The following ABCA13 variants were observed in gnomAD, a reference collection of about 807,000 sequenced individuals.
The protein encoded by ABCA13 is ATP-binding cassette sub-family A member 13.
A neutral mutation model predicts 478.7 loss-of-function variants in ABCA13; 476 were observed. That is an observed-to-expected ratio of 0.99 (90% CI 0.92 to 1.07). The LOEUF (loss-of-function observed/expected upper bound fraction) is 1.07, where lower values mean the gene tolerates loss of function less well. Among genes scored for constraint, ABCA13 ranks in the 50% least tolerant of loss-of-function variants. The pLI is 0.00. For missense variants in ABCA13, 6,060 were observed against 5,910.6 expected (o/e 1.03, Z -0.83); for synonymous variants, 2,252 against 2,158.9 (o/e 1.04, Z -1.20).
chr7:48,412,686 G>C, intron 41 of ABCA13, 103 bp downstream of exon 41: 1 of 713,344 alleles, frequency 1.4e-6, no homozygotes, highest in Non-Finnish European at 2.0e-6. Context: ...GGGTAAGGGG[G>C]AGGAGTGTGC....
rs764975303 is a variant in ABCA13, at chr7:48,580,363, T to C, written c.14494T>C (p.Cys4832Arg). The C allele has an allele frequency of 7.4e-6, 12 of 1,612,130 alleles. No homozygotes were observed. Among genetic ancestry groups the C allele is most frequent in the Admixed American group, 6.7e-5 (4 of 59,808 alleles). ...TAGCTTACGCGGGATTCCAAGGCAG[T>C]GCATCCCTGAGGTAAATCTCCCTGG... ...YCSLRGIPRQ[C>R]IPEVAGDLIR... Residue 4832 changes from cysteine (C) to arginine (R), a missense_variant, in exon 56 of 62, where the codon TGC becomes CGC. This residue lies in a region of ABCA13 where 1,627 missense variants were observed against 1,571.0 expected (regional missense o/e 1.04). Transcript: ENST00000435803.
intron 59 of ABCA13, among the ~76,000 whole-genome samples, chr7:48,633,984 C>T (rs1391584872): frequency 7.6e-6 from 1 of 130,864 alleles, no homozygotes; most frequent in South Asian, 2.4e-4. Flanking sequence ...AGATAGATGA[C>T]AGAGAGATGT....
chr7:48,226,070 G>A (rs1031686194), intron 5 of ABCA13, among the ~76,000 whole-genome samples: 1 of 152,150 alleles, frequency 6.6e-6, no homozygotes, highest in Non-Finnish European at 1.5e-5. Flanking sequence ...ATTAGAGTTG[G>A]GGAACTGTAG....
intron 45 of ABCA13, among the ~76,000 whole-genome samples, chr7:48,479,317 A>G (rs953235259): frequency 2.0e-5 from 3 of 152,012 alleles, no homozygotes; most frequent in African/African-American, 7.3e-5. Flanking sequence ...GGCTCACTGC[A>G]ACCTCCGCCT....
chr7:48,315,428 C>T (rs542177362), intron 26 of ABCA13, among the ~76,000 whole-genome samples: 1 of 151,900 alleles, frequency 6.6e-6, no homozygotes, highest in Non-Finnish European at 1.5e-5. Flanking sequence ...CATTAAATTT[C>T]AGTAAGAACA....
chr7:48,442,421 A>G (rs1237862035), intron 42 of ABCA13, among the ~76,000 whole-genome samples: 2 of 152,180 alleles, frequency 1.3e-5, no homozygotes, highest in Admixed American at 1.3e-4. Context: ...CACAATGCCT[A>G]TATTTATCCT....
intron 47 of ABCA13, among the ~76,000 whole-genome samples, chr7:48,483,392 T>C (rs1375812341): frequency 1.3e-5 from 2 of 152,218 alleles, no homozygotes; most frequent in Non-Finnish European, 2.9e-5. Context: ...GGACTTCACC[T>C]AGTAAATATA....
Position 48,307,847 on chromosome 7 carries a change from A to AT in ABCA13, c.9322-2092dup, listed in dbSNP as rs201700312. Among the ~76,000 whole-genome samples the AT allele has an allele frequency of 5.8e-4, 88 of 151,666 alleles. 1 individual carries two copies. In the East Asian group the frequency reaches 0.013, roughly 23 times the overall value. ...AGGTGTACGCCACCATACCCAACTA[A>AT]TTTTTTTTGTATTTTAAGTAGAGAC... On this transcript the variant is annotated intron_variant, in intron 23 of 61. Coordinates refer to ENST00000435803, the MANE Select transcript of ABCA13 (RefSeq NM_152701.5).
intron 48 of ABCA13, among the ~76,000 whole-genome samples, chr7:48,502,362 T>A (rs1210973005): frequency 1.3e-5 from 2 of 152,210 alleles, no homozygotes; most frequent in Non-Finnish European, 2.9e-5. Context: ...ATGAGAACAC[T>A]GTTTTTAATC....
chr7:48,584,443 T>C (rs1172961140), intron 56 of ABCA13, among the ~76,000 whole-genome samples: 4 of 152,230 alleles, frequency 2.6e-5, no homozygotes, highest in African/African-American at 9.6e-5. Flanking sequence ...TCTCCATGGC[T>C]GCATACATTT....
rs899482121 is a variant in ABCA13 at position 48,239,061 on chromosome 7, CT to C, written c.898-169del. On this transcript the variant is annotated intron_variant, in intron 8 of 61. Coordinates refer to ENST00000435803, the MANE Select transcript of ABCA13 (RefSeq NM_152701.5). ...TTGTGGATGAAACTGAAAAATATAA[CT>C]TTTTTTTTTTAACTACCAAGTCTTC... Among the ~76,000 whole-genome samples, 46 of 147,962 alleles carry C rather than the reference CT, an allele frequency of 3.1e-4. 1 individual carries two copies. Among genetic ancestry groups the C allele is most frequent in the Middle Eastern group, 3.5e-3 (1 of 286 alleles).
At chr7:48,219,830 T>G (rs1787085399) in intron 4 of ABCA13, among the ~76,000 whole-genome samples, 1 of 151,180 alleles carries the variant, frequency 6.6e-6, no homozygotes, top group African/African-American at 2.4e-5. Flanking sequence ...GCTGTTGTCT[T>G]CCTTTCTTGC....
At chr7:48,257,998 A>T (rs765471260) in intron 15 of ABCA13, among the ~76,000 whole-genome samples, 23 of 152,084 alleles carry the variant, frequency 1.5e-4, no homozygotes, top group Non-Finnish European at 3.1e-4. Flanking sequence ...GTCGAGGCTC[A>T]CTGCACCCTC....
chr7:48,273,052 C>T lies in ABCA13; in HGVS notation c.3386C>T (p.Ser1129Leu), dbSNP rs200430365. The change falls in exon 17 of 62, where the codon TCA becomes TTA. Residue 1129 changes from serine to leucine, a missense_variant. By Grantham distance (145) the Ser-to-Leu change is moderately radical (BLOSUM62 -2). This residue lies in a region of ABCA13 where 4,423 missense variants were observed against 4,309.1 expected (regional missense o/e 1.03). Transcript: ENST00000435803. ...SFVFPLAQIFSNLSANVSVFN... is the reference protein window; with the variant it reads ...SFVFPLAQIFLNLSANVSVFN... ...GTTTTTCCATTGGCACAAATTTTTT[C>T]AAACCTCTCAGCAAATGTCAGTGTG... is the stretch of plus-strand genomic sequence containing the variant. The T allele has an allele frequency of 3.2e-5, 51 of 1,613,576 alleles. No homozygotes were observed. The African/African-American group carries it at 6.1e-4, about 19-fold the overall frequency.
In ABCA13 at chr7:48,276,097, CATT is replaced by C; in HGVS notation, c.6435_6437del (p.Leu2145del). On this transcript the variant is annotated inframe_deletion, in exon 17 of 62. Coordinates refer to ENST00000435803, the MANE Select transcript of ABCA13 (RefSeq NM_152701.5). ...GAGGATTACTCCAGAATGATAGAAA[CATT>C]ATTCATTCCTGTGACCAATGAGAGT... The C allele has an allele frequency of 6.3e-7, 1 of 1,599,916 alleles. No homozygotes were observed. The highest frequency in any genetic ancestry group is 8.5e-7 in the Non-Finnish European group (1 of 1,172,376).
chr7:48,625,313 A>C (rs996103725), intron 59 of ABCA13, among the ~76,000 whole-genome samples: 2 of 152,224 alleles, frequency 1.3e-5, no homozygotes, highest in Non-Finnish European at 2.9e-5. Flanking sequence ...AAAGTGAAAT[A>C]GATAATTCAG....
rs1395774896 is a variant in ABCA13, at chr7:48,272,149, T to C, written c.2483T>C (p.Phe828Ser). The change falls in exon 17 of 62, where the codon TTT (phenylalanine) becomes TCT (serine). Residue 828 changes from phenylalanine (F) to serine (S), a missense_variant. By Grantham distance (155) the Phe-to-Ser change is radical (BLOSUM62 -2). Around this residue, in one of 3 missense-constraint regions of ABCA13, gnomAD observed 4,423 missense variants for 4,309.1 expected, o/e 1.03. Coordinates refer to ENST00000435803, the MANE Select transcript of ABCA13 (RefSeq NM_152701.5). ...NLLRFIELILFEINPKLLELW... is the reference protein window; with the variant it reads ...NLLRFIELILSEINPKLLELW... ...TTGAGATTCATAGAATTAATACTTT[T>C]TGAAATTAATCCCAAATTACTAGAA... 6 of 1,613,102 alleles carry C rather than the reference T, an allele frequency of 3.7e-6. No individual in the cohort carries two copies. The highest frequency in any genetic ancestry group is 4.2e-6 in the Non-Finnish European group (5 of 1,179,534).
chr7:48,311,081 C>G (rs141139245), intron 24 of ABCA13, among the ~76,000 whole-genome samples: 1 of 152,306 alleles, frequency 6.6e-6, no homozygotes, highest in East Asian at 1.9e-4. Flanking sequence ...TATTTCACAA[C>G]CTCTGGGTTC....
intron 55 of ABCA13, among the ~76,000 whole-genome samples, chr7:48,532,387 G>A (rs373404019): frequency 1.3e-5 from 2 of 152,172 alleles, no homozygotes; most frequent in South Asian, 2.1e-4. Context: ...ATATGCTTTG[G>A]ATTCAGTTAG....
Sources: gnomAD v4.1 joint callset for allele counts (sites outside exome capture counted in the v4.1 genomes callset) on GRCh38, gnomAD v4.1.1 for gene constraint, gnomAD v4.1.1 regional missense constraint, MANE v1.5 for transcripts, NCBI Gene and HGNC (gene_info 2026-07-23, HGNC 2026-07-21) for gene names.